Variants in ROBO1 observed in about 807,000 individuals in gnomAD.
ROBO1 encodes the protein roundabout guidance receptor 1, also known as roundabout homolog 1.
ROBO1 carries 149 observed loss-of-function variants against 195.9 expected under a neutral mutation model. That is an observed-to-expected ratio of 0.76 (90% confidence interval 0.67 to 0.87). ROBO1 has a LOEUF of 0.87. ROBO1 is among the 40% of genes least tolerant of loss of function. The pLI is 0.00. For missense variants in ROBO1, 1,933 were observed against 2,068.3 expected, an observed-to-expected ratio of 0.93 and a Z score of 1.27; for synonymous variants, 816 against 733.2, an observed-to-expected ratio of 1.11 and a Z score of -1.82.
rs547071469 is a variant in ROBO1, at chr3:79,301,081, T to G, written c.89-175542A>C. Among the ~76,000 whole-genome samples the G allele has an allele frequency of 3.9e-5, 6 of 152,172 alleles. No homozygotes were observed. In the South Asian group the frequency reaches 1.2e-3, roughly 32 times the overall value. ...GGTCACCTTCCACGCTGTGGAAGCT[T>G]TGTTCTTTCGCTCTTTGCAATAAAT... is the stretch of plus-strand genomic sequence containing the variant. On this transcript the variant is annotated intron_variant, in intron 2 of 30. Transcript: ENST00000464233.
At chr3:78,982,182 T>C (rs1170723700) in intron 3 of ROBO1, among the ~76,000 whole-genome samples, 1 of 152,122 alleles carries the variant, frequency 6.6e-6, no homozygotes, top group Non-Finnish European at 1.5e-5. Context: ...GGCTCACTGA[T>C]TTCTCCTAAT....
chr3:78,927,295 T>G (rs943906506), intron 4 of ROBO1, among the ~76,000 whole-genome samples: 17 of 152,190 alleles, frequency 1.1e-4, no homozygotes, highest in Non-Finnish European at 2.1e-4. Flanking sequence ...TCTTACATTC[T>G]GCAAATAAAG....
At chr3:79,030,241 A>G (rs914013377) in intron 3 of ROBO1, among the ~76,000 whole-genome samples, 2 of 152,320 alleles carry the variant, frequency 1.3e-5, no homozygotes, top group Admixed American at 1.3e-4. Context: ...TGCAATGTCC[A>G]GAGACATTTG....
At chr3:79,276,112 T>TA (rs919164351) in intron 2 of ROBO1, among the ~76,000 whole-genome samples, 1 of 151,712 alleles carries the variant, frequency 6.6e-6, no homozygotes, top group African/African-American at 2.4e-5. Context: ...TCACAGCATA[T>TA]AAAAAATAAT....
At chr3:78,917,771 T>C (rs909996441) in intron 4 of ROBO1, among the ~76,000 whole-genome samples, 28 of 152,210 alleles carry the variant, frequency 1.8e-4, no homozygotes, top group African/African-American at 6.5e-4. Context: ...GAAGGATTTA[T>C]TTTAGACAGA....
intron 2 of ROBO1, among the ~76,000 whole-genome samples, chr3:79,454,790 T>C (rs760833245): frequency 2.0e-5 from 3 of 152,122 alleles, no homozygotes; most frequent in Non-Finnish European, 4.4e-5. Flanking sequence ...CAGAATCAGT[T>C]GAAAATCTTC....
At chr3:78,864,236 C>T (rs2035026043) in intron 4 of ROBO1, among the ~76,000 whole-genome samples, 1 of 152,126 alleles carries the variant, frequency 6.6e-6, no homozygotes, top group Non-Finnish European at 1.5e-5. Context: ...GAACTCTTTC[C>T]TTTGCCTTGA....
intron 3 of ROBO1, among the ~76,000 whole-genome samples, chr3:79,095,251 G>T (rs755784297): frequency 6.6e-6 from 1 of 152,040 alleles, no homozygotes; most frequent in Non-Finnish European, 1.5e-5. Context: ...TTGAGTGGGA[G>T]TTGAAGTAGT....
chr3:79,050,470 C>T (rs1287677003), intron 3 of ROBO1, among the ~76,000 whole-genome samples: 4 of 151,980 alleles, frequency 2.6e-5, no homozygotes, highest in African/African-American at 9.7e-5. Flanking sequence ...CACCCCACTA[C>T]CAATATTAGA....
intron 3 of ROBO1, among the ~76,000 whole-genome samples, chr3:78,995,685 G>A (rs1483578832): frequency 6.7e-6 from 1 of 150,256 alleles, no homozygotes; most frequent in African/African-American, 2.5e-5. Flanking sequence ...AGGATCACAT[G>A]AGCCCACGAG....
At chr3:78,641,858 G>T (rs1213138604) in intron 21 of ROBO1, among the ~76,000 whole-genome samples, 1 of 152,282 alleles carries the variant, frequency 6.6e-6, no homozygotes, top group Middle Eastern at 3.4e-3. Flanking sequence ...ATATATATGA[G>T]TGATTTCCAA....
intron 4 of ROBO1, among the ~76,000 whole-genome samples, chr3:78,849,614 T>TTA (rs201070361): frequency 0.028 from 4,302 of 151,536 alleles, 143 homozygotes; most frequent in African/African-American, 0.088. Context: ...AAAATAAGTT[T>TTA]TATATATATA....
intron 2 of ROBO1, among the ~76,000 whole-genome samples, chr3:79,565,734 C>T (rs1345617739): frequency 1.3e-5 from 2 of 151,970 alleles, no homozygotes; most frequent in African/African-American, 4.8e-5. Context: ...ACCAGTAGGT[C>T]CCAAACTTTT....
chr3:78,695,697 T>C (rs1441646520), intron 8 of ROBO1, among the ~76,000 whole-genome samples: 6 of 151,316 alleles, frequency 4.0e-5, no homozygotes, highest in Admixed American at 1.3e-4. Flanking sequence ...AAAAGTTATC[T>C]AAGAACATCA....
At chr3:78,611,096 C>T (rs1359223232) in intron 28 of ROBO1, among the ~76,000 whole-genome samples, 3 of 152,070 alleles carry the variant, frequency 2.0e-5, no homozygotes, top group Non-Finnish European at 4.4e-5. Flanking sequence ...CAAGACTTTC[C>T]AAATAACAGT....
chr3:79,182,541 A>C (rs1003084679), intron 2 of ROBO1, among the ~76,000 whole-genome samples: 1 of 105,982 alleles, frequency 9.4e-6, no homozygotes. Flanking sequence ...ACTGGGGCAC[A>C]GGTGTGTGTG....
chr3:79,018,362 G>T (rs966505044), intron 3 of ROBO1: 5 of 1,610,472 alleles, frequency 3.1e-6, no homozygotes, highest in Non-Finnish European at 4.2e-6. Context: ...TGGAGAGGGG[G>T]CGAACAGGGA....
chr3:79,403,291 A>T (rs969113264), intron 2 of ROBO1, among the ~76,000 whole-genome samples: 15 of 152,160 alleles, frequency 9.9e-5, no homozygotes, highest in African/African-American at 3.6e-4. Context: ...TTAATTAAAC[A>T]ACAGCAAACT....
At chr3:79,056,398 T>C (rs2078809690) in intron 3 of ROBO1, among the ~76,000 whole-genome samples, 1 of 152,070 alleles carries the variant, frequency 6.6e-6, no homozygotes, top group African/African-American at 2.4e-5. Flanking sequence ...TTATCAAATT[T>C]TGAGCTGCCA....
Sources: gnomAD v4.1 joint callset for allele counts (sites outside exome capture counted in the v4.1 genomes callset) on GRCh38, gnomAD v4.1.1 for gene constraint, MANE v1.5 for transcripts, NCBI Gene and HGNC (gene_info 2026-07-23, HGNC 2026-07-21) for gene names.